The following TRMT44 variants were observed in gnomAD, a reference collection of about 807,000 sequenced individuals.
The protein encoded by TRMT44 is tRNA methyltransferase 44 homolog.
TRMT44 carries 78 observed loss-of-function variants against 77.3 expected under a neutral mutation model. The observed-to-expected ratio is 1.01, with a 90% CI of 0.84 to 1.22. The LOEUF (loss-of-function observed/expected upper bound fraction) is 1.22. Ranked by LOEUF, TRMT44 falls within the 50% of genes most tolerant of loss-of-function variation. The pLI is 0.00. For synonymous variants in TRMT44, 391 were observed against 383.3 expected (o/e 1.02, Z -0.23); for missense variants, 1,090 against 964.4 (o/e 1.13, Z -1.73).
chr4:8,471,045 CTGT>C (rs762854432), intron 9 of TRMT44, 36 bp from the exon 10 acceptor site: 66 of 1,411,164 alleles, frequency 4.7e-5, no homozygotes, highest in Non-Finnish European at 5.9e-5. Context: ...TAATATTTTG[CTGT>C]TGTTTTGGGG....
chr4:8,486,002 G>A (rs1273851706), intron 2 of TRMT44, among the ~76,000 whole-genome samples: 1 of 152,174 alleles, frequency 6.6e-6, no homozygotes, highest in African/African-American at 2.4e-5. Flanking sequence ...CGTTGGTGAT[G>A]GTCCAGGGGG....
In TRMT44 at chr4:8,452,174, T is replaced by G. The variant is rs1451415318; in HGVS notation, c.1023+146T>G. ...CAAGGTTGGTTTCTCGTGTAATGGT[T>G]TGACTTCATGTGGTCCTTTTGATGC... is the stretch of plus-strand genomic sequence containing the variant. On this transcript the variant is annotated intron_variant, in intron 4 of 10. Transcript: ENST00000389737. The surrounding 1 kb of genome is among the most constrained non-coding windows in gnomAD (Gnocchi z 5.7). The G allele has an allele frequency of 1.5e-5, 11 of 722,448 alleles. No individual in the cohort carries two copies. Among genetic ancestry groups the G allele is most frequent in the Non-Finnish European group, 2.6e-5 (11 of 426,548 alleles). The allele number at this position is 722,448 out of a possible 1,614,324, so 44.8% of individuals were successfully genotyped here.
Position 8,476,019 on chromosome 4 carries a change from C to T in TRMT44, c.*18C>T, listed in dbSNP as rs1241979442. 2 of 1,610,076 alleles carry T rather than the reference C, an allele frequency of 1.2e-6. No individual in the cohort carries two copies. The highest frequency in any genetic ancestry group is 1.7e-5 in the Admixed American group (1 of 59,884). Reference sequence around the variant, plus strand: ...TTTCATGAGCTGCATCCTTGCCAGCCGAGGCCTGGTTGGGGAGGCCAAACC... The same window carrying T: ...TTTCATGAGCTGCATCCTTGCCAGCTGAGGCCTGGTTGGGGAGGCCAAACC... On this transcript the variant is annotated 3_prime_UTR_variant, in exon 11 of 11. Coordinates refer to ENST00000389737, the MANE Select transcript of TRMT44 (RefSeq NM_152544.3).
At chr4:8,515,433 G>A in the TRMT44 span, among the ~76,000 whole-genome samples, 1 of 152,242 alleles carries the variant, frequency 6.6e-6, no homozygotes, top group South Asian at 2.1e-4. Flanking sequence ...AATGACGAGA[G>A]CAGTTGGCAT....
In TRMT44 at chr4:8,461,770, G is replaced by C. The variant is rs1261981096; in HGVS notation, c.1204-2215G>C. On this transcript the variant is annotated intron_variant, in intron 6 of 10. Coordinates refer to ENST00000389737, the MANE Select transcript of TRMT44 (RefSeq NM_152544.3). This position sits in a 1 kb window ranked among gnomAD's most constrained non-coding sequence, Gnocchi z 4.6. ...TTCTAGTGTTAAATAAATGCCAGGAGTTCTGTCATGCTTTCTGCCTTGGAG... is the reference window on the plus strand; with the variant it reads ...TTCTAGTGTTAAATAAATGCCAGGACTTCTGTCATGCTTTCTGCCTTGGAG... 1.3e-5 allele frequency among the ~76,000 whole-genome samples: 2 copies of C among 152,136 alleles called. No individual in the cohort carries two copies. The highest frequency in any genetic ancestry group is 4.8e-5 in the African/African-American group (2 of 41,430).
the TRMT44 span, chr4:8,510,695 T>A: frequency 6.6e-6 from 1 of 152,454 alleles, no homozygotes; most frequent in South Asian, 2.1e-4. Flanking sequence ...AGCATTTGGT[T>A]TAGACGTGTT....
intron 10 of TRMT44, 126 bp downstream of exon 10, chr4:8,471,326 G>T: frequency 1.6e-6 from 1 of 632,726 alleles, no homozygotes; most frequent in Non-Finnish European, 2.6e-6. Context: ...AAGTTCCGCG[G>T]TGCCCCACCC....
chr4:8,501,219 G>A, the TRMT44 span, among the ~76,000 whole-genome samples: 8 of 152,192 alleles, frequency 5.3e-5, no homozygotes, highest in South Asian at 2.1e-4. This position sits in a 1 kb window ranked among gnomAD's most constrained non-coding sequence, Gnocchi z 4.4. Context: ...TGTGCAGGGC[G>A]GGAGGTGGCC....
chr4:8,455,927 A>T (rs1470877173), intron 6 of TRMT44, among the ~76,000 whole-genome samples: 1 of 152,128 alleles, frequency 6.6e-6, no homozygotes, highest in East Asian at 1.9e-4. Context: ...ACCTAGAAAT[A>T]TTGAAAAAAA....
the TRMT44 span, among the ~76,000 whole-genome samples, chr4:8,508,202 T>C: frequency 6.6e-6 from 1 of 152,244 alleles, no homozygotes; most frequent in African/African-American, 2.4e-5. Context: ...ACACTATACC[T>C]GGCCTCACAT....
downstream of TRMT44, chr4:8,479,351 C>T (rs1281983279): frequency 6.6e-6 from 1 of 151,762 alleles, no homozygotes; most frequent in African/African-American, 2.4e-5. Context: ...CAGATGCATT[C>T]TGAGAAATGC....
Position 8,441,226 on chromosome 4 carries a change from G to A in TRMT44, c.404G>A (p.Gly135Asp). The change falls in exon 1 of 11, where the codon GGC (glycine) becomes GAC (aspartate). Residue 135 changes from glycine to aspartate, a missense_variant. Transcript: ENST00000389737. ...GHPGHAEGRE[G>D]DFPAADLDSL... is the part of the protein sequence containing the mutation. ...CCCGGCCATGCTGAAGGAAGGGAGGGCGACTTCCCCGCCGCAGATCTGGAT... is the reference window on the plus strand; with the variant it reads ...CCCGGCCATGCTGAAGGAAGGGAGGACGACTTCCCCGCCGCAGATCTGGAT... 6.5e-7 allele frequency: 1 copy of A among 1,535,566 alleles called. No homozygotes were observed. Among genetic ancestry groups the A allele is most frequent in the Non-Finnish European group, 8.7e-7 (1 of 1,146,562 alleles).
chr4:8,451,924 C>A lies in TRMT44; in HGVS notation c.955-36C>A. 6.5e-7 allele frequency: 1 copy of A among 1,529,746 alleles called. No homozygotes were observed. Among genetic ancestry groups the A allele is most frequent in the Non-Finnish European group, 8.8e-7 (1 of 1,140,976 alleles). 94.8% of individuals were successfully genotyped at this position (1,529,746 alleles called of 1,614,324 possible). Reference sequence around the variant, plus strand: ...GTATTGGGAAATGGTGGTGGGGAAACCGAACAATTTATGTTTGCTCTTGAA... The same window carrying A: ...GTATTGGGAAATGGTGGTGGGGAAAACGAACAATTTATGTTTGCTCTTGAA... On this transcript the variant is annotated intron_variant, in intron 3 of 10. Transcript: ENST00000389737. This position sits in a 1 kb window ranked among gnomAD's most constrained non-coding sequence, Gnocchi z 4.1.
At chr4:8,507,509 T>C in the TRMT44 span, 1 of 153,366 alleles carries the variant, frequency 6.5e-6, no homozygotes, top group African/African-American at 2.4e-5. Context: ...TCCTTGCCTG[T>C]GGGTTCTGGG....
At chr4:8,442,608 C>G (rs1007731885) in intron 1 of TRMT44, among the ~76,000 whole-genome samples, 2 of 152,232 alleles carry the variant, frequency 1.3e-5, no homozygotes, top group Admixed American at 6.5e-5. Context: ...AACAGCCTGC[C>G]GGCTGGGCTC....
chr4:8,482,065 A>T (rs975443958), intron 2 of TRMT44, among the ~76,000 whole-genome samples: 1 of 152,210 alleles, frequency 6.6e-6, no homozygotes, highest in South Asian at 2.1e-4. Context: ...AGGTCTGCAA[A>T]GCTTTTGCTA....
chr4:8,503,996 C>T, the TRMT44 span, among the ~76,000 whole-genome samples: 10 of 152,170 alleles, frequency 6.6e-5, no homozygotes, highest in African/African-American at 1.9e-4. Context: ...CCGAGGCTCC[C>T]GAGCCTGTGG....
chr4:8,463,744 A>T (rs1300882941), intron 6 of TRMT44, among the ~76,000 whole-genome samples: 1 of 152,230 alleles, frequency 6.6e-6, no homozygotes, highest in African/African-American at 2.4e-5. Flanking sequence ...TAGCACTCAG[A>T]AAAGTGCTGT....
Position 8,461,262 on chromosome 4 carries a change from G to A in TRMT44, c.1204-2723G>A, listed in dbSNP as rs149967942. On this transcript the variant is annotated intron_variant, in intron 6 of 10. Transcript: ENST00000389737. This position sits in a 1 kb window ranked among gnomAD's most constrained non-coding sequence, Gnocchi z 4.6. ...AATGTTTTCAAAACCTCAGGTTTGA[G>A]GAATGTTGGTAATCTAGCCAGTGCA... 1.9e-3 allele frequency among the ~76,000 whole-genome samples: 294 copies of A among 152,270 alleles called. No homozygotes were observed. Among genetic ancestry groups the A allele is most frequent in the African/African-American group, 6.7e-3 (277 of 41,556 alleles).
Sources: allele counts gnomAD v4.1 joint callset (sites outside exome capture counted in the v4.1 genomes callset), GRCh38; gene constraint gnomAD v4.1.1; non-coding constraint Gnocchi (gnomAD v3.1); transcripts MANE v1.5; gene names NCBI Gene and HGNC (gene_info 2026-07-23, HGNC 2026-07-21).